The following CAMK2A variants were observed in gnomAD, a reference collection of about 807,000 sequenced individuals.
CAMK2A encodes the protein calcium/calmodulin dependent protein kinase II alpha.
A neutral mutation model predicts 79.2 loss-of-function variants in CAMK2A; 7 were observed. The observed-to-expected ratio is 0.09, with a 90% confidence interval of 0.05 to 0.17. The LOEUF (loss-of-function observed/expected upper bound fraction) is 0.17, where lower values mean the gene tolerates loss of function less well. Ranked by LOEUF, CAMK2A falls within the 10% of genes least tolerant of loss-of-function variation. CAMK2A has a pLI of 1.00. For missense variants in CAMK2A, 214 were observed against 646.4 expected (o/e 0.33, Z 7.25); for synonymous variants, 242 against 251.7 (o/e 0.96, Z 0.36).
Position 150,233,213 on chromosome 5 carries a change from C to G in CAMK2A, c.1067-1833G>C, listed in dbSNP as rs560579305. Among the ~76,000 whole-genome samples the G allele has an allele frequency of 2.6e-5, 4 of 152,318 alleles. No homozygotes were observed. The East Asian group carries it at 7.7e-4, about 29-fold the overall frequency. ...GTGCTTAGTCTACCAAGTTCCAGAG[C>G]CTCACAGCACAACTTTATTTCCACG... On this transcript the variant is annotated intron_variant, in intron 15 of 18. Coordinates refer to ENST00000671881, the MANE Select transcript of CAMK2A (RefSeq NM_015981.4).
chr5:150,257,492 G>C, intron 4 of CAMK2A, 71 bp downstream of exon 4: 1 of 1,297,946 alleles, frequency 7.7e-7, no homozygotes, highest in South Asian at 1.3e-5. Flanking sequence ...AGCCCAAGAG[G>C]TCCAGTGAGG....
intron 15 of CAMK2A, among the ~76,000 whole-genome samples, chr5:150,231,905 G>A (rs76243196): frequency 0.011 from 1,652 of 152,292 alleles, 8 homozygotes; most frequent in Non-Finnish European, 0.016. Flanking sequence ...GAGCCTAGAT[G>A]AGCTTCTTGC....
At chr5:150,238,502 GCAGTAGTTC>G (rs1248349113) in intron 15 of CAMK2A, 189 bp downstream of exon 15, 2 of 689,426 alleles carry the variant, frequency 2.9e-6, no homozygotes, top group East Asian at 5.6e-5. Context: ...CTACACACCA[GCAGTAGTTC>G]CAGTACCACC....
At chr5:150,245,503 C>T (rs752160327) in intron 12 of CAMK2A, among the ~76,000 whole-genome samples, 3 of 152,164 alleles carry the variant, frequency 2.0e-5, no homozygotes, top group South Asian at 2.1e-4. Flanking sequence ...TGTTTCAGCC[C>T]GGGGATTCCC....
chr5:150,226,744 A>AAGG (rs1491265849), intron 17 of CAMK2A, among the ~76,000 whole-genome samples: 24 of 84,490 alleles, frequency 2.8e-4, no homozygotes, highest in African/African-American at 8.5e-4. Context: ...AAAAAAAAAA[A>AAGG]GGGGGGGGGG....
rs376912678 is a variant in CAMK2A, at chr5:150,286,829, C to T, written c.62+2735G>A. On this transcript the variant is annotated intron_variant, in intron 1 of 18. Transcript: ENST00000671881. ...AAAGGTACAAGCAGATCCCATTCCT[C>T]ACTTTCAGCCTTGCCCAGCCTTTGA... Among the ~76,000 whole-genome samples, 3 of 152,360 alleles carry T rather than the reference C, an allele frequency of 2.0e-5. No homozygotes were observed. The East Asian group carries it at 5.8e-4, about 29-fold the overall frequency.
intron 15 of CAMK2A, among the ~76,000 whole-genome samples, 167 bp from the exon 16 acceptor site, chr5:150,231,547 C>T (rs1440059279): frequency 6.6e-6 from 1 of 150,780 alleles, no homozygotes; most frequent in Admixed American, 6.6e-5. Flanking sequence ...CATTTATCCT[C>T]GCATTGCTGC....
At chr5:150,237,375 C>G (rs1562145638) in intron 15 of CAMK2A, among the ~76,000 whole-genome samples, 1 of 102,598 alleles carries the variant, frequency 9.7e-6, no homozygotes. Context: ...GAGACCCCCC[C>G]CTGCCACTAC....
At chr5:150,287,937 C>CTGTGTGTGTGTGTGTGTG (rs57886187) in intron 1 of CAMK2A, among the ~76,000 whole-genome samples, 1 of 140,776 alleles carries the variant, frequency 7.1e-6, no homozygotes, top group Non-Finnish European at 1.5e-5. Flanking sequence ...AGGATAGCCT[C>CTGTGTGTGTGTGTGTGTG]TGTGTGTGTG....
chr5:150,222,831 C>G, intron 18 of CAMK2A, 118 bp from the exon 19 acceptor site: 1 of 1,415,700 alleles, frequency 7.1e-7, no homozygotes, highest in Non-Finnish European at 1.0e-6. Context: ...CCCAGCTCTT[C>G]CCCCAGACCT....
chr5:150,289,554 C>T lies in CAMK2A; in HGVS notation c.62+10G>A, dbSNP rs376665233. 2.1e-5 allele frequency: 34 copies of T among 1,612,498 alleles called. No homozygotes were observed. Among genetic ancestry groups the T allele is most frequent in the Admixed American group, 1.3e-4 (8 of 59,986 alleles). ...CCATGCCTTCCAGGACTTCCTGAGGCACAACTCACTTGCCCAATTCCTCGA... is the reference window on the plus strand; with the variant it reads ...CCATGCCTTCCAGGACTTCCTGAGGTACAACTCACTTGCCCAATTCCTCGA... On this transcript the variant is annotated intron_variant, in intron 1 of 18. Transcript: ENST00000671881.
chr5:150,262,582 T>C (rs1318229186), intron 3 of CAMK2A, among the ~76,000 whole-genome samples: 1 of 152,084 alleles, frequency 6.6e-6, no homozygotes, highest in African/African-American at 2.4e-5. Flanking sequence ...GCAGAGACCT[T>C]GGCATGGGGT....
At chr5:150,261,517 A>G (rs1472411524) in intron 3 of CAMK2A, among the ~76,000 whole-genome samples, 5 of 152,228 alleles carry the variant, frequency 3.3e-5, no homozygotes, top group Non-Finnish European at 7.3e-5. Context: ...ATTGTCATAG[A>G]ACAAACAAAT....
intron 6 of CAMK2A, among the ~76,000 whole-genome samples, chr5:150,255,964 C>G (rs1218037074): frequency 3.9e-5 from 6 of 152,186 alleles, no homozygotes; most frequent in African/African-American, 1.4e-4. Context: ...TCCATGAAGT[C>G]CCTGCTGAAG....
At position 150,256,594 on chromosome 5, in the gene CAMK2A, C is replaced by A; in HGVS notation, c.390G>T (p.Gly130=). The stretch of plus-strand genomic sequence containing the variant: ...TCACCTTCAGGTCCCGGTGCACCAC[C>A]CCCATCTGGTGGCAGTGCAGCACAG... ...LEAVLHCHQM[G]VVHRDLKPEN... is the part of the protein sequence containing the mutation. Residue 130 remains glycine, a synonymous_variant, in exon 6 of 19, where the codon GGG becomes GGT. Coordinates refer to ENST00000671881, the MANE Select transcript of CAMK2A (RefSeq NM_015981.4). This position sits in a 1 kb window ranked among gnomAD's most constrained non-coding sequence, Gnocchi z 4.6. 2 of 1,613,728 alleles carry A rather than the reference C, an allele frequency of 1.2e-6. No homozygotes were observed. Among genetic ancestry groups the A allele is most frequent in the Non-Finnish European group, 1.7e-6 (2 of 1,179,984 alleles).
intron 2 of CAMK2A, among the ~76,000 whole-genome samples, chr5:150,267,558 G>A (rs1453702379): frequency 1.3e-5 from 2 of 152,128 alleles, no homozygotes; most frequent in African/African-American, 2.4e-5. Flanking sequence ...TCTTATGCAT[G>A]GTACAATTAA....
Position 150,230,317 on chromosome 5 carries a change from CAA to C in CAMK2A, c.1142+986_1142+987del, listed in dbSNP as rs1216883745. On this transcript the variant is annotated intron_variant, in intron 16 of 18. Coordinates refer to ENST00000671881, the MANE Select transcript of CAMK2A (RefSeq NM_015981.4). ...TGGGTGACAGAGTGAGACTCCGTCT[CAA>C]AAAAAAAAAAAAAAAAAAAAAGGGA... is the stretch of plus-strand genomic sequence containing the variant. Among the ~76,000 whole-genome samples, 115 of 60,628 alleles carry C rather than the reference CAA, an allele frequency of 1.9e-3. No individual in the cohort carries two copies. The East Asian group carries it at 0.023, about 12-fold the overall frequency. 39.8% of individuals were successfully genotyped at this position (60,628 alleles called of 152,430 possible). A position where few individuals can be genotyped will look rare whatever the true frequency, so the allele number is the denominator to read the frequency against.
At chr5:150,273,790 C>T (rs989421401) in intron 1 of CAMK2A, among the ~76,000 whole-genome samples, 1 of 152,162 alleles carries the variant, frequency 6.6e-6, no homozygotes, top group African/African-American at 2.4e-5. Context: ...TATGGCTGTC[C>T]GATCCTTTAT....
intron 13 of CAMK2A, 145 bp from the exon 14 acceptor site, chr5:150,239,881 A>C: frequency 1.4e-6 from 1 of 699,880 alleles, no homozygotes; most frequent in Non-Finnish European, 2.6e-6. Context: ...CATCGGGACA[A>C]GGAGTCAAGG....
Sources: gnomAD v4.1 joint callset for allele counts (sites outside exome capture counted in the v4.1 genomes callset) on GRCh38, gnomAD v4.1.1 for gene constraint, Gnocchi (gnomAD v3.1) non-coding constraint, MANE v1.5 for transcripts, NCBI Gene and HGNC (gene_info 2026-07-23, HGNC 2026-07-21) for gene names.